The following CNTNAP2 variants were observed in gnomAD, a reference collection of about 807,000 sequenced individuals.
CNTNAP2 encodes contactin-associated protein-like 2.
A neutral mutation model predicts 155.2 loss-of-function variants in CNTNAP2; 98 were observed. That is an observed-to-expected ratio of 0.63 (90% CI 0.54 to 0.75). The LOEUF is 0.75. Among genes scored for constraint, CNTNAP2 ranks in the 30% least tolerant of loss-of-function variants. The pLI is 0.00. For synonymous variants in CNTNAP2, 651 were observed against 631.2 expected, an observed-to-expected ratio of 1.03 and a Z score of -0.47; for missense variants, 1,727 against 1,688.1, an observed-to-expected ratio of 1.02 and a Z score of -0.40.
chr7:146,554,008 A>G (rs116332913), intron 1 of CNTNAP2, among the ~76,000 whole-genome samples: 3,275 of 152,270 alleles, frequency 0.022, 138 homozygotes, highest in African/African-American at 0.073. Flanking sequence ...AGCCCCATAT[A>G]AAACAGTTAA....
chr7:147,978,281 G>T (rs1478258342), intron 15 of CNTNAP2: 1 of 415,162 alleles, frequency 2.4e-6, no homozygotes, highest in Admixed American at 3.5e-5. Flanking sequence ...TAGCATAAAT[G>T]CAGTACTCAA....
rs191000550 is a variant in CNTNAP2, at chr7:146,889,993, C to T, written c.402+50089C>T. On this transcript the variant is annotated intron_variant, in intron 3 of 23. Transcript: ENST00000361727. ...AGGTGCCCTAGCCAAGCGTCTATCA[C>T]TTGGGTATATTCATGGTACAGAAAG... Among the ~76,000 whole-genome samples, 11 of 152,238 alleles carry T rather than the reference C, an allele frequency of 7.2e-5. No homozygotes were observed. In the East Asian group the frequency reaches 2.1e-3, roughly 29 times the overall value.
chr7:146,714,482 A>T (rs1801152921), intron 1 of CNTNAP2, among the ~76,000 whole-genome samples: 1 of 152,214 alleles, frequency 6.6e-6, no homozygotes, highest in Non-Finnish European at 1.5e-5. Flanking sequence ...AAGCTATTTC[A>T]TATCTAAACC....
chr7:147,725,379 AG>A (rs1278699823), intron 13 of CNTNAP2, among the ~76,000 whole-genome samples: 2 of 152,148 alleles, frequency 1.3e-5, no homozygotes, highest in African/African-American at 4.8e-5. Flanking sequence ...TAAGAAGCAT[AG>A]ATGTTTTAAA....
At chr7:147,030,253 A>G (rs917626858) in intron 3 of CNTNAP2, among the ~76,000 whole-genome samples, 2 of 152,188 alleles carry the variant, frequency 1.3e-5, no homozygotes, top group Non-Finnish European at 2.9e-5. Flanking sequence ...CTGTTTTTAT[A>G]TGGATTTTCT....
chr7:148,307,453 T>C (rs1797509182), intron 21 of CNTNAP2, among the ~76,000 whole-genome samples: 1 of 152,166 alleles, frequency 6.6e-6, no homozygotes, highest in Non-Finnish European at 1.5e-5. Context: ...CAAGCATCTG[T>C]CCTTGGATAT....
chr7:146,685,257 G>T (rs1238885602), intron 1 of CNTNAP2, among the ~76,000 whole-genome samples: 1 of 152,104 alleles, frequency 6.6e-6, no homozygotes. Context: ...ATGGTATTGT[G>T]CCGCTTTATT....
intron 1 of CNTNAP2, among the ~76,000 whole-genome samples, chr7:146,232,489 TA>T (rs1306299438): frequency 6.6e-6 from 1 of 152,046 alleles, no homozygotes; most frequent in Non-Finnish European, 1.5e-5. Flanking sequence ...ATGCTTGGCC[TA>T]AAAAAATCTT....
intron 18 of CNTNAP2, among the ~76,000 whole-genome samples, chr7:148,207,111 A>G (rs1795462602): frequency 6.6e-6 from 1 of 152,230 alleles, no homozygotes; most frequent in Non-Finnish European, 1.5e-5. Context: ...TGAGCCTCAC[A>G]TATAGTAGGA....
intron 10 of CNTNAP2, among the ~76,000 whole-genome samples, chr7:147,428,039 A>G (rs1015541919): frequency 2.6e-5 from 4 of 152,218 alleles, no homozygotes; most frequent in African/African-American, 9.6e-5. Context: ...TTTCAGTTGC[A>G]AAGAATAGTA....
intron 1 of CNTNAP2, among the ~76,000 whole-genome samples, chr7:146,513,463 C>T (rs1205391800): frequency 1.3e-5 from 2 of 151,664 alleles, no homozygotes; most frequent in Non-Finnish European, 2.9e-5. Context: ...TTGTGTGTCT[C>T]TTATACCATG....
At chr7:147,915,017 C>T (rs1800136208) in intron 14 of CNTNAP2, among the ~76,000 whole-genome samples, 1 of 152,044 alleles carries the variant, frequency 6.6e-6, no homozygotes, top group Non-Finnish European at 1.5e-5. Context: ...GAATTTTTTG[C>T]CATGAACACA....
intron 3 of CNTNAP2, among the ~76,000 whole-genome samples, chr7:146,841,330 T>G (rs1803718285): frequency 6.7e-6 from 1 of 149,680 alleles, no homozygotes; most frequent in South Asian, 2.1e-4. Flanking sequence ...CCCTTAAAAT[T>G]TGGCAGAGAG....
chr7:147,310,035 G>A (rs1000283854), intron 9 of CNTNAP2, among the ~76,000 whole-genome samples: 1 of 152,030 alleles, frequency 6.6e-6, no homozygotes, highest in African/African-American at 2.4e-5. Context: ...CATTGAAATT[G>A]AACATATTAA....
At chr7:148,150,834 C>G (rs1805283277) in intron 17 of CNTNAP2, among the ~76,000 whole-genome samples, 1 of 152,014 alleles carries the variant, frequency 6.6e-6, no homozygotes, top group South Asian at 2.1e-4. Flanking sequence ...GCCTCAACCT[C>G]CCAGGCTCAA....
intron 1 of CNTNAP2, among the ~76,000 whole-genome samples, chr7:146,597,184 T>A (rs1282019788): frequency 2.0e-5 from 3 of 152,080 alleles, no homozygotes; most frequent in Non-Finnish European, 4.4e-5. Flanking sequence ...TCTTTTATCA[T>A]CATTATCATT....
chr7:146,575,680 G>GTT (rs1798513371), intron 1 of CNTNAP2, among the ~76,000 whole-genome samples: 1 of 152,150 alleles, frequency 6.6e-6, no homozygotes, highest in Non-Finnish European at 1.5e-5. Flanking sequence ...ACTGAAATAT[G>GTT]TTGTCAGTGG....
chr7:147,850,476 A>G (rs1162218849), intron 13 of CNTNAP2, among the ~76,000 whole-genome samples: 4 of 152,246 alleles, frequency 2.6e-5, no homozygotes, highest in Admixed American at 1.3e-4. Context: ...CTAAGCCAAA[A>G]GAACAAAGCT....
At chr7:146,885,464 A>G (rs771617234) in intron 3 of CNTNAP2, among the ~76,000 whole-genome samples, 5 of 152,180 alleles carry the variant, frequency 3.3e-5, no homozygotes, top group Admixed American at 6.6e-5. Context: ...TTGGCAAAAC[A>G]AGCTCTTATA....
Sources: allele counts gnomAD v4.1 joint callset (sites outside exome capture counted in the v4.1 genomes callset), GRCh38; gene constraint gnomAD v4.1.1; transcripts MANE v1.5; gene names NCBI Gene and HGNC (gene_info 2026-07-23, HGNC 2026-07-21).